C4orf33: variants seen among roughly 807,000 people sequenced by gnomAD.
C4orf33 encodes chromosome 4 open reading frame 33.
Under a neutral mutation model 24.3 loss-of-function variants are expected in C4orf33, and 20 were observed. That is an observed-to-expected ratio of 0.82 (90% CI 0.58 to 1.19). The LOEUF (loss-of-function observed/expected upper bound fraction) is 1.19, where lower values mean the gene tolerates loss of function less well. Ranked by LOEUF, C4orf33 falls within the 50% of genes most tolerant of loss-of-function variation. The pLI, the probability that C4orf33 is intolerant of heterozygous loss-of-function variation, is 0.00. For missense variants in C4orf33, 207 were observed against 225.9 expected (o/e 0.92, Z 0.54); for synonymous variants, 67 against 76.4 (o/e 0.88, Z 0.64).
intron 2 of C4orf33, among the ~76,000 whole-genome samples, chr4:129,106,007 C>T (rs1328508676): frequency 1.3e-5 from 2 of 152,066 alleles, no homozygotes; most frequent in Non-Finnish European, 2.9e-5. Context: ...GCTGACTTAT[C>T]GAATATCATG....
At chr4:129,104,492 C>T (rs1310935525) in intron 2 of C4orf33, among the ~76,000 whole-genome samples, 2 of 152,310 alleles carry the variant, frequency 1.3e-5, no homozygotes, top group African/African-American at 2.4e-5. Context: ...CTGTATAAGA[C>T]TTTCCATGAC....
rs553666477 is a variant in C4orf33, at chr4:129,099,926, T to A, written c.-9-2676T>A. Among the ~76,000 whole-genome samples the A allele has an allele frequency of 2.2e-3, 323 of 146,068 alleles. 3 individuals are homozygous for A. Among genetic ancestry groups the A allele is most frequent in the Admixed American group, 0.02 (288 of 14,644 alleles). ...AGTGTTCTTTAAGCGATATAAAGTT[T>A]AAAAAAAAAAACAAATTTGTCATTG... On this transcript the variant is annotated intron_variant, in intron 1 of 5. Transcript: ENST00000425929.
At chr4:129,099,953 A>G (rs1447673814) in intron 1 of C4orf33, among the ~76,000 whole-genome samples, 1 of 152,182 alleles carries the variant, frequency 6.6e-6, no homozygotes, top group East Asian at 1.9e-4. Flanking sequence ...TTGTCATTGC[A>G]ATAAGAAACG....
intron 1 of C4orf33, among the ~76,000 whole-genome samples, chr4:129,097,712 A>C (rs1418184376): frequency 1.3e-5 from 2 of 152,246 alleles, no homozygotes; most frequent in African/African-American, 4.8e-5. Flanking sequence ...ATTTTTGTCA[A>C]AGGATAGTTG....
chr4:129,110,145 G>A (rs1197355644), intron 5 of C4orf33: 11 of 340,760 alleles, frequency 3.2e-5, no homozygotes, highest in African/African-American at 4.5e-5. Flanking sequence ...CACTGCTTAC[G>A]ATAAAAATGA....
rs553474405 is a variant in C4orf33, at chr4:129,105,557, T to C, written c.182-1030T>C. ...TGAATTGCTGGCAGAATTATGTCTA[T>C]ATTTTAGCTATTTTATTATAAAAAT... is the stretch of plus-strand genomic sequence containing the variant. On this transcript the variant is annotated intron_variant, in intron 2 of 5. Transcript: ENST00000425929. 2.2e-4 allele frequency among the ~76,000 whole-genome samples: 33 copies of C among 152,190 alleles called. 1 individual carries two copies. The highest frequency in any genetic ancestry group is 3.3e-4 in the Admixed American group (5 of 15,280).
chr4:129,100,123 G>C (rs1007867953), intron 1 of C4orf33, among the ~76,000 whole-genome samples: 16 of 152,122 alleles, frequency 1.1e-4, no homozygotes, highest in Admixed American at 9.2e-4. Context: ...GGAACCAGTA[G>C]AAAGGTTTGA....
chr4:129,098,938 G>A (rs1212469877), intron 1 of C4orf33, among the ~76,000 whole-genome samples: 1 of 151,988 alleles, frequency 6.6e-6, no homozygotes, highest in Non-Finnish European at 1.5e-5. Flanking sequence ...TGAGCAGTGA[G>A]GGCAACTAGA....
intron 1 of C4orf33, among the ~76,000 whole-genome samples, chr4:129,097,491 T>G (rs1362284152): frequency 2.0e-5 from 3 of 152,222 alleles, no homozygotes; most frequent in African/African-American, 7.2e-5. Context: ...TATTTTAGCA[T>G]AGATGTTAAT....
chr4:129,099,244 C>T (rs1753283563), intron 1 of C4orf33, among the ~76,000 whole-genome samples: 1 of 152,118 alleles, frequency 6.6e-6, no homozygotes, highest in Non-Finnish European at 1.5e-5. Flanking sequence ...GAAACGGGTA[C>T]CTCATTGATT....
rs1580021543 is a variant in C4orf33 at position 129,112,753 on chromosome 4, C to T, written c.*962C>T. 1 of 152,006 alleles carries T rather than the reference C, an allele frequency of 6.6e-6. No homozygotes were observed. The highest frequency in any genetic ancestry group is 2.4e-5 in the African/African-American group (1 of 41,420). The allele number at this position is 152,006 out of a possible 1,614,324, so 9.4% of individuals were successfully genotyped here. On this transcript the variant is annotated 3_prime_UTR_variant, in exon 6 of 6. Coordinates refer to ENST00000425929, the MANE Select transcript of C4orf33 (RefSeq NM_001099783.2). ...TGGTTAAATGTGGCTTATCGACTTA[C>T]TCATTTCTTATATATGTTCTCTATC... is the stretch of plus-strand genomic sequence containing the variant.
Position 129,102,676 on chromosome 4 carries a change from G to T in C4orf33, c.66G>T (p.Arg22Ser), listed in dbSNP as rs770366026. ...FPVKHEPVFI[R>S]LNPGDRGVMM... Reference sequence around the variant, plus strand: ...TGAAGCATGAGCCCGTATTTATCAGGCTGAATCCAGGTGACAGAGGAGTGA... The same window carrying T: ...TGAAGCATGAGCCCGTATTTATCAGTCTGAATCCAGGTGACAGAGGAGTGA... Residue 22 changes from arginine (R) to serine (S), a missense_variant, in exon 2 of 6, where the codon AGG becomes AGT. By Grantham distance (110) the Arg-to-Ser change is moderately radical. Coordinates refer to ENST00000425929, the MANE Select transcript of C4orf33 (RefSeq NM_001099783.2). The T allele has an allele frequency of 2.5e-6, 4 of 1,614,146 alleles. No individual in the cohort carries two copies. The South Asian group carries it at 3.3e-5, about 13-fold the overall frequency.
At chr4:129,099,610 T>C (rs1753295062) in intron 1 of C4orf33, among the ~76,000 whole-genome samples, 1 of 152,186 alleles carries the variant, frequency 6.6e-6, no homozygotes, top group South Asian at 2.1e-4. Flanking sequence ...GTAATTGCCA[T>C]GTAAGAATAG....
chr4:129,099,914 C>T (rs574416323), intron 1 of C4orf33, among the ~76,000 whole-genome samples: 65 of 150,760 alleles, frequency 4.3e-4, no homozygotes, highest in African/African-American at 1.5e-3. Context: ...GTTCTTTAAG[C>T]GATATAAAGT....
rs1753771406 is a variant in C4orf33 at position 129,115,927 on chromosome 4, TG to T, written c.*4139del. On this transcript the variant is annotated 3_prime_UTR_variant, in exon 6 of 6. Coordinates refer to ENST00000425929, the MANE Select transcript of C4orf33 (RefSeq NM_001099783.2). Reference sequence around the variant, plus strand: ...ATATTTTTTGTTAAATCACCATTCCTGGGCCCTACTCATTTTCTGATAATTT... The same window carrying T: ...ATATTTTTTGTTAAATCACCATTCCTGGCCCTACTCATTTTCTGATAATTT... 2 of 149,882 alleles carry T rather than the reference TG, an allele frequency of 1.3e-5. No homozygotes were observed. Among genetic ancestry groups the T allele is most frequent in the South Asian group, 4.2e-4 (2 of 4,766 alleles). 9.3% of individuals were successfully genotyped at this position (149,882 alleles called of 1,614,324 possible).
At position 129,112,022 on chromosome 4, in the gene C4orf33, G is replaced by A. The variant is rs1753703391; in HGVS notation, c.*231G>A. 1 of 379,928 alleles carries A rather than the reference G, an allele frequency of 2.6e-6. No homozygotes were observed. Among genetic ancestry groups the A allele is most frequent in the Admixed American group, 4.4e-5 (1 of 22,974 alleles). 23.5% of individuals were successfully genotyped at this position (379,928 alleles called of 1,614,324 possible). A position where few individuals can be genotyped will look rare whatever the true frequency, so the allele number is the denominator to read the frequency against. On this transcript the variant is annotated 3_prime_UTR_variant, in exon 6 of 6. Coordinates refer to ENST00000425929, the MANE Select transcript of C4orf33 (RefSeq NM_001099783.2). ...TCACAATGTTTCTCAGAGTCACTTA[G>A]TCCAGGATGTTGCATTCCCAGCACA...
At position 129,115,928 on chromosome 4, in the gene C4orf33, G is replaced by C. The variant is rs1753771363; in HGVS notation, c.*4137G>C. The C allele has an allele frequency of 6.7e-6, 1 of 149,224 alleles. No individual in the cohort carries two copies. Among genetic ancestry groups the C allele is most frequent in the Admixed American group, 6.7e-5 (1 of 14,934 alleles). The allele number at this position is 149,224 out of a possible 1,614,324, so 9.2% of individuals were successfully genotyped here. On this transcript the variant is annotated 3_prime_UTR_variant, in exon 6 of 6. Coordinates refer to ENST00000425929, the MANE Select transcript of C4orf33 (RefSeq NM_001099783.2). The stretch of plus-strand genomic sequence containing the variant: ...TATTTTTTGTTAAATCACCATTCCT[G>C]GGCCCTACTCATTTTCTGATAATTT...
At chr4:129,094,994 T>A (rs17351519), upstream of C4orf33, among the ~76,000 whole-genome samples, 3 of 152,164 alleles carry the variant, frequency 2.0e-5, no homozygotes, top group African/African-American at 7.2e-5. Context: ...TGGAAGCAAA[T>A]ACCTTCTGGC....
intron 5 of C4orf33, among the ~76,000 whole-genome samples, chr4:129,110,601 G>T (rs1328005109): frequency 6.6e-6 from 1 of 152,156 alleles, no homozygotes; most frequent in Non-Finnish European, 1.5e-5. Context: ...ATCCTAGTGA[G>T]CATTGCACTA....
Sources: gnomAD v4.1 joint callset for allele counts (sites outside exome capture counted in the v4.1 genomes callset) on GRCh38, gnomAD v4.1.1 for gene constraint, MANE v1.5 for transcripts, NCBI Gene and HGNC (gene_info 2026-07-23, HGNC 2026-07-21) for gene names.